Variants in PDE4D observed in about 807,000 individuals in gnomAD.
PDE4D encodes the protein 3',5'-cyclic-AMP phosphodiesterase 4D.
Under a neutral mutation model 87.4 loss-of-function variants are expected in PDE4D, and 24 were observed. That is an observed-to-expected ratio of 0.27 (90% CI 0.20 to 0.39). The LOEUF (loss-of-function observed/expected upper bound fraction) is 0.39, where lower values mean the gene tolerates loss of function less well. Among genes scored for constraint, PDE4D ranks in the 10% least tolerant of loss-of-function variants. PDE4D has a pLI of 1.00. For missense variants in PDE4D, 714 were observed against 1,041.0 expected (o/e 0.69, Z 4.32); for synonymous variants, 384 against 383.2 (o/e 1.00, Z -0.02).
intron 2 of PDE4D, among the ~76,000 whole-genome samples, chr5:60,102,430 A>G (rs1237380567): frequency 1.3e-5 from 2 of 152,152 alleles, no homozygotes; most frequent in African/African-American, 4.8e-5. Context: ...TGGCAATATG[A>G]GTTGGGGAGA....
At chr5:59,615,168 C>T (rs1340312015) in intron 1 of PDE4D, among the ~76,000 whole-genome samples, 4 of 152,038 alleles carry the variant, frequency 2.6e-5, no homozygotes, top group Non-Finnish European at 5.9e-5. Context: ...TCTAGCCATG[C>T]GCTTCTTACC....
chr5:60,241,803 A>T (rs1747163249), intron 1 of PDE4D, among the ~76,000 whole-genome samples: 1 of 152,162 alleles, frequency 6.6e-6, no homozygotes, highest in African/African-American at 2.4e-5. Context: ...TCCAAGTATA[A>T]GAAAATTATA....
chr5:59,151,654 A>C (rs1273870355), intron 5 of PDE4D, among the ~76,000 whole-genome samples: 2 of 152,122 alleles, frequency 1.3e-5, no homozygotes, highest in Non-Finnish European at 2.9e-5. Flanking sequence ...CTAGTGGAAC[A>C]TACCCTCACT....
chr5:59,169,984 T>G (rs952257113), intron 5 of PDE4D, among the ~76,000 whole-genome samples: 2 of 152,156 alleles, frequency 1.3e-5, no homozygotes, highest in African/African-American at 4.8e-5. Flanking sequence ...GGGGAAGGGA[T>G]GCTGGCAGGA....
chr5:59,216,928 T>C, intron 1 of PDE4D: 1 of 198,348 alleles, frequency 5.0e-6, no homozygotes. Context: ...GAAAATGTTT[T>C]TCACCCGGTC....
chr5:60,167,542 A>ATTTCAAACT (rs1402402780), intron 2 of PDE4D, among the ~76,000 whole-genome samples: 2 of 152,096 alleles, frequency 1.3e-5, no homozygotes, highest in Non-Finnish European at 2.9e-5. Context: ...GTATTTTCAA[A>ATTTCAAACT]TAACCCTGTG....
At chr5:59,343,672 A>C (rs540075407) in intron 1 of PDE4D, among the ~76,000 whole-genome samples, 1 of 152,212 alleles carries the variant, frequency 6.6e-6, no homozygotes, top group East Asian at 1.9e-4. Flanking sequence ...TGATTTCATG[A>C]ATGCATGCTT....
At chr5:60,497,216 A>C (rs1458161935) in intron 1 of PDE4D, among the ~76,000 whole-genome samples, 1 of 152,174 alleles carries the variant, frequency 6.6e-6, no homozygotes. Context: ...TTGTATGAGC[A>C]CATCCATTTC....
chr5:59,528,601 A>G (rs1374057135), intron 1 of PDE4D, among the ~76,000 whole-genome samples: 1 of 152,124 alleles, frequency 6.6e-6, no homozygotes, highest in Non-Finnish European at 1.5e-5. Flanking sequence ...AGAAAAAAAA[A>G]AGTCTCTATG....
intron 2 of PDE4D, among the ~76,000 whole-genome samples, chr5:60,058,169 C>G (rs1423923827): frequency 2.6e-5 from 4 of 151,884 alleles, no homozygotes; most frequent in Non-Finnish European, 4.4e-5. Context: ...AAGTTTTGAG[C>G]ATTTTGAGCT....
At chr5:59,662,925 A>G (rs1368896714) in intron 1 of PDE4D, among the ~76,000 whole-genome samples, 1 of 152,240 alleles carries the variant, frequency 6.6e-6, no homozygotes, top group African/African-American at 2.4e-5. Context: ...AAGGAGATGT[A>G]TACACAAACA....
chr5:59,704,343 A>G (rs936253374), intron 1 of PDE4D, among the ~76,000 whole-genome samples: 4 of 152,208 alleles, frequency 2.6e-5, no homozygotes, highest in Non-Finnish European at 4.4e-5. Context: ...CCTTCTTTCA[A>G]CATTTATTGT....
chr5:60,098,816 G>T (rs1039183679), intron 2 of PDE4D, among the ~76,000 whole-genome samples: 1 of 152,042 alleles, frequency 6.6e-6, no homozygotes, highest in Non-Finnish European at 1.5e-5. Context: ...TTGAATAGAA[G>T]TGGTGAGAGT....
At chr5:59,821,815 A>C (rs1318469654) in intron 1 of PDE4D, among the ~76,000 whole-genome samples, 2 of 152,166 alleles carry the variant, frequency 1.3e-5, no homozygotes, top group African/African-American at 4.8e-5. Flanking sequence ...TTTCAATATG[A>C]TGTTATTGAA....
chr5:59,793,393 A>G (rs1766052342), intron 1 of PDE4D, among the ~76,000 whole-genome samples: 1 of 152,228 alleles, frequency 6.6e-6, no homozygotes. Context: ...TAGTTAATAA[A>G]TGTCCTTATG....
intron 2 of PDE4D, among the ~76,000 whole-genome samples, chr5:60,001,052 G>C (rs1334675358): frequency 6.6e-6 from 1 of 152,112 alleles, no homozygotes; most frequent in Non-Finnish European, 1.5e-5. Flanking sequence ...ACTCCCTGGA[G>C]GCAAGTCCTC....
At chr5:60,120,910 G>C (rs919262537) in intron 2 of PDE4D, among the ~76,000 whole-genome samples, 1 of 152,022 alleles carries the variant, frequency 6.6e-6, no homozygotes, top group Non-Finnish European at 1.5e-5. Context: ...TGAGTCAGTG[G>C]GCTGGGAAAG....
In PDE4D at chr5:59,622,661, T is replaced by C. The variant is rs141228611; in HGVS notation, c.455+270507A>G. 3.9e-5 allele frequency among the ~76,000 whole-genome samples: 6 copies of C among 152,338 alleles called. No homozygotes were observed. The East Asian group carries it at 9.6e-4, about 24-fold the overall frequency. The stretch of plus-strand genomic sequence containing the variant: ...ATGCCCAATCTTAAGGAAGACCTAC[T>C]GTAGTTGCCAAAGCGCATCAGCACC... On this transcript the variant is annotated intron_variant, in intron 1 of 14. Coordinates refer to ENST00000340635, the MANE Select transcript of PDE4D (RefSeq NM_001104631.2).
At chr5:60,255,841 T>C (rs1293032230) in intron 1 of PDE4D, among the ~76,000 whole-genome samples, 2 of 151,718 alleles carry the variant, frequency 1.3e-5, no homozygotes, top group African/African-American at 4.8e-5. Context: ...GGAATAAGCT[T>C]AAGAAAACAC....
Sources: allele counts gnomAD v4.1 joint callset (sites outside exome capture counted in the v4.1 genomes callset), GRCh38; gene constraint gnomAD v4.1.1; transcripts MANE v1.5; gene names NCBI Gene and HGNC (gene_info 2026-07-23, HGNC 2026-07-21).